The following MYO3B variants were observed in gnomAD, a reference collection of about 807,000 sequenced individuals.
MYO3B encodes myosin IIIB.
In MYO3B, 156 loss-of-function variants were observed where a neutral mutation model predicts 174.6. The ratio of observed to expected loss-of-function variants is 0.89; its 90% confidence interval spans 0.78 to 1.02. MYO3B has a LOEUF of 1.02. Ranked by LOEUF, MYO3B falls within the 50% of genes least tolerant of loss-of-function variation. MYO3B has a pLI of 0.00. For missense variants in MYO3B, 1,632 were observed against 1,639.4 expected, an observed-to-expected ratio of 1.00 and a Z score of 0.08; for synonymous variants, 563 against 569.1, an observed-to-expected ratio of 0.99 and a Z score of 0.15.
At chr2:170,503,861 C>T (rs151041131) in intron 28 of MYO3B, among the ~76,000 whole-genome samples, 94 of 152,284 alleles carry the variant, frequency 6.2e-4, no homozygotes, top group African/African-American at 1.7e-3. Flanking sequence ...TTAGCCAACA[C>T]CGTGGACAGG....
At chr2:170,324,788 C>T (rs1574787290) in intron 7 of MYO3B, among the ~76,000 whole-genome samples, 1 of 152,340 alleles carries the variant, frequency 6.6e-6, no homozygotes, top group East Asian at 1.9e-4. Flanking sequence ...GGAAAGAACG[C>T]TCTTGCAGGT....
intron 22 of MYO3B, chr2:170,411,927 C>T (rs969146654): frequency 6.6e-6 from 1 of 152,234 alleles, no homozygotes; most frequent in Non-Finnish European, 1.5e-5. Flanking sequence ...TATGAATTCT[C>T]TCTGTTCTCT....
At chr2:170,201,594 G>T (rs1216873069) in intron 3 of MYO3B, among the ~76,000 whole-genome samples, 1 of 143,814 alleles carries the variant, frequency 7.0e-6, no homozygotes, top group African/African-American at 2.7e-5. Flanking sequence ...TGTCACATCA[G>T]TTGCCTTCCT....
At chr2:170,470,213 A>G (rs1045568384) in intron 25 of MYO3B, among the ~76,000 whole-genome samples, 1 of 151,824 alleles carries the variant, frequency 6.6e-6, no homozygotes, top group Non-Finnish European at 1.5e-5. Flanking sequence ...AGAACATTTC[A>G]TTACCTAAAA....
chr2:170,467,922 T>G (rs927659586), intron 25 of MYO3B, among the ~76,000 whole-genome samples: 1 of 151,674 alleles, frequency 6.6e-6, no homozygotes, highest in African/African-American at 2.4e-5. Context: ...TCCTCTTAAA[T>G]TTGGAAGTGG....
chr2:170,244,165 C>G (rs1019310739), intron 7 of MYO3B, among the ~76,000 whole-genome samples: 1 of 152,174 alleles, frequency 6.6e-6, no homozygotes, highest in Non-Finnish European at 1.5e-5. Flanking sequence ...AGTCGTATGA[C>G]TGGTCTTGGC....
chr2:170,198,806 A>G (rs958977946), intron 1 of MYO3B, among the ~76,000 whole-genome samples: 4 of 151,608 alleles, frequency 2.6e-5, no homozygotes, highest in Admixed American at 2.6e-4. Flanking sequence ...AGCCCTCATG[A>G]AGGTTACCAT....
At chr2:170,637,296 C>T (rs1048782006) in intron 32 of MYO3B, among the ~76,000 whole-genome samples, 40 of 151,698 alleles carry the variant, frequency 2.6e-4, no homozygotes, top group Non-Finnish European at 5.2e-4. Flanking sequence ...CTCACCCTCC[C>T]GAGTAGCTGG....
At position 170,642,821 on chromosome 2, in the gene MYO3B, G is replaced by A. The variant is rs368723365; in HGVS notation, c.3734-8807G>A. Among the ~76,000 whole-genome samples, 37 of 152,220 alleles carry A rather than the reference G, an allele frequency of 2.4e-4. No homozygotes were observed. In the East Asian group the frequency reaches 6.2e-3, roughly 25 times the overall value. ...ACTTCCCTGTCTCCAATAACCTGAG[G>A]ATCTGTTAGGCTCTGAGCATTCCTG... On this transcript the variant is annotated intron_variant, in intron 32 of 34. Transcript: ENST00000408978.
intron 7 of MYO3B, among the ~76,000 whole-genome samples, chr2:170,324,483 C>T (rs1344921928): frequency 6.6e-6 from 1 of 152,182 alleles, no homozygotes; most frequent in Non-Finnish European, 1.5e-5. Flanking sequence ...TATGCAAGTG[C>T]TCCTAATGTC....
chr2:170,389,775 A>G (rs1211202322), intron 14 of MYO3B, among the ~76,000 whole-genome samples: 2 of 152,158 alleles, frequency 1.3e-5, no homozygotes, highest in Non-Finnish European at 2.9e-5. Context: ...TCTAGGAGGC[A>G]GACTCTAGGT....
At chr2:170,251,699 T>C (rs193250999) in intron 7 of MYO3B, among the ~76,000 whole-genome samples, 36 of 152,352 alleles carry the variant, frequency 2.4e-4, no homozygotes, top group African/African-American at 8.4e-4. Flanking sequence ...GCCTTGACTT[T>C]GGACTGCTAG....
At chr2:170,247,390 C>G (rs2093203286) in intron 7 of MYO3B, among the ~76,000 whole-genome samples, 1 of 152,136 alleles carries the variant, frequency 6.6e-6, no homozygotes, top group Admixed American at 6.5e-5. Flanking sequence ...TCTTATGTCT[C>G]AAAGGGGCTT....
chr2:170,624,261 TGTAGTTCTCCTTG>T (rs1696197651), intron 32 of MYO3B, among the ~76,000 whole-genome samples: 1 of 152,224 alleles, frequency 6.6e-6, no homozygotes, highest in African/African-American at 2.4e-5. Context: ...AGCAGTGGTT[TGTAGTTCTCCTTG>T]AAGAGATCCT....
chr2:170,614,599 C>T (rs528553969), intron 32 of MYO3B, among the ~76,000 whole-genome samples: 1 of 152,332 alleles, frequency 6.6e-6, no homozygotes, highest in South Asian at 2.1e-4. Flanking sequence ...CACAGATCAT[C>T]TGGAACCTTA....
At chr2:170,414,679 C>T (rs768148605) in intron 22 of MYO3B, among the ~76,000 whole-genome samples, 1 of 152,152 alleles carries the variant, frequency 6.6e-6, no homozygotes, top group Non-Finnish European at 1.5e-5. Flanking sequence ...GAAGAATTAG[C>T]AACCTTGCTA....
chr2:170,606,181 C>T (rs80109736), intron 32 of MYO3B, among the ~76,000 whole-genome samples: 1,947 of 152,104 alleles, frequency 0.013, 43 homozygotes, highest in South Asian at 0.089. Context: ...TTTTTCTTCA[C>T]ATTTTCCTTC....
At chr2:170,399,987 G>A (rs1031716822) in intron 16 of MYO3B, among the ~76,000 whole-genome samples, 6 of 152,096 alleles carry the variant, frequency 3.9e-5, no homozygotes, top group Admixed American at 1.3e-4. Flanking sequence ...AGTGACCCAC[G>A]TCATTCTGCT....
chr2:170,594,266 A>T (rs544378222), intron 32 of MYO3B, among the ~76,000 whole-genome samples: 1 of 151,834 alleles, frequency 6.6e-6, no homozygotes, highest in Non-Finnish European at 1.5e-5. Context: ...TTCTACCACC[A>T]CCGCCATGGC....
Sources: gnomAD v4.1 joint callset for allele counts (sites outside exome capture counted in the v4.1 genomes callset) on GRCh38, gnomAD v4.1.1 for gene constraint, MANE v1.5 for transcripts, NCBI Gene and HGNC (gene_info 2026-07-23, HGNC 2026-07-21) for gene names.